CCDC39: variants seen among roughly 807,000 people sequenced by gnomAD.
The protein encoded by CCDC39 is coiled-coil domain 39 molecular ruler complex subunit.
CCDC39 carries 113 observed loss-of-function variants against 121.0 expected under a neutral mutation model. That is an observed-to-expected ratio of 0.93 (90% CI 0.80 to 1.09). The LOEUF is 1.09. Among genes scored for constraint, CCDC39 ranks in the 50% least tolerant of loss-of-function variants. The probability of loss-of-function intolerance (pLI) is 0.00; values close to 1 mark genes in which losing one functional copy is unlikely to be tolerated. For missense variants in CCDC39, 1,063 were observed against 1,074.7 expected (o/e 0.99, Z 0.15); for synonymous variants, 349 against 352.2 (o/e 0.99, Z 0.10).
intron 14 of CCDC39, among the ~76,000 whole-genome samples, chr3:180,620,866 A>G (rs1309328715): frequency 6.6e-6 from 1 of 152,070 alleles, no homozygotes; most frequent in African/African-American, 2.4e-5. Context: ...TCATTGGAAT[A>G]CTGTACATTG....
chr3:180,664,044 G>T, intron 1 of CCDC39, 58 bp from the exon 2 acceptor site: 1 of 1,459,780 alleles, frequency 6.9e-7, no homozygotes. Flanking sequence ...CCATATGAAG[G>T]ACCTAAAATC....
In CCDC39 at chr3:180,647,259, A is replaced by C. The variant is rs1560088251; in HGVS notation, c.1363-16T>G. The C allele has an allele frequency of 1.3e-6, 2 of 1,538,258 alleles. No individual in the cohort carries two copies. Among genetic ancestry groups the C allele is most frequent in the South Asian group, 2.5e-5 (2 of 79,800 alleles). On this transcript the variant is annotated splice_polypyrimidine_tract_variant and intron_variant, in intron 10 of 19. Coordinates refer to ENST00000476379, the MANE Select transcript of CCDC39 (RefSeq NM_181426.2). ...TGTGAAAATCCTGTTACAGTTTAAAAAAAAAAAGGTATTACAAAGAAAAAA... is the reference window on the plus strand; with the variant it reads ...TGTGAAAATCCTGTTACAGTTTAAACAAAAAAAGGTATTACAAAGAAAAAA...
chr3:180,643,991 C>T (rs759099138), intron 12 of CCDC39, 129 bp downstream of exon 12: 5 of 647,376 alleles, frequency 7.7e-6, no homozygotes, highest in Non-Finnish European at 1.2e-5. Context: ...GACTTTAACA[C>T]TGTTTATATT....
intron 14 of CCDC39, among the ~76,000 whole-genome samples, chr3:180,621,068 A>C (rs1052999464): frequency 6.6e-6 from 1 of 152,022 alleles, no homozygotes; most frequent in Non-Finnish European, 1.5e-5. Flanking sequence ...GCCTCCAGTT[A>C]TATCTTGTTG....
In CCDC39 at chr3:180,648,327, A is replaced by G. The variant is rs940815178; in HGVS notation, c.1200T>C (p.Gly400=). Residue 400 remains glycine, a synonymous_variant, in exon 10 of 20, where the codon GGT becomes GGC. Coordinates refer to ENST00000476379, the MANE Select transcript of CCDC39 (RefSeq NM_181426.2). The part of the protein sequence containing the change: ...EVDVQLNLIK[G]VLFKKAQELQ... ...ACTCCTGAGCTTTCTTAAACAGCAC[A>G]CCTTTTATGAGGTTCAGTTGAACAT... is the stretch of plus-strand genomic sequence containing the variant. The G allele has an allele frequency of 6.3e-7, 1 of 1,590,716 alleles. No homozygotes were observed. The highest frequency in any genetic ancestry group is 1.8e-5 in the Admixed American group (1 of 56,168).
At chr3:180,673,889 G>A (rs917663734) in intron 1 of CCDC39, among the ~76,000 whole-genome samples, 23 of 151,662 alleles carry the variant, frequency 1.5e-4, no homozygotes, top group African/African-American at 5.6e-4. Flanking sequence ...TAAACTTAAA[G>A]CAGGCAATGC....
intron 13 of CCDC39, among the ~76,000 whole-genome samples, chr3:180,632,037 T>C (rs1717709331): frequency 6.6e-6 from 1 of 151,522 alleles, no homozygotes; most frequent in South Asian, 2.1e-4. Context: ...AAGAAGGGGC[T>C]CAAGTGGATG....
At position 180,679,467 on chromosome 3, in the gene CCDC39, T is replaced by A; in HGVS notation, c.-87A>T. 1 of 1,243,176 alleles carries A rather than the reference T, an allele frequency of 8.0e-7. No individual in the cohort carries two copies. The highest frequency in any genetic ancestry group is 1.2e-6 in the Non-Finnish European group (1 of 842,800). 77.0% of individuals were successfully genotyped at this position (1,243,176 alleles called of 1,614,324 possible). A position where few individuals can be genotyped will look rare whatever the true frequency, so the allele number is the denominator to read the frequency against. ...AGCACCCGCGTCAAGCCCAGGCACC[T>A]GCACAGTGCCGCGGCAATTGCCGGG... On this transcript the variant is annotated 5_prime_UTR_variant, in exon 1 of 20. Transcript: ENST00000476379. This position sits in a 1 kb window ranked among gnomAD's most constrained non-coding sequence, Gnocchi z 4.0.
At chr3:180,676,346 A>C (rs1712205106) in intron 1 of CCDC39, among the ~76,000 whole-genome samples, 1 of 152,256 alleles carries the variant, frequency 6.6e-6, no homozygotes, top group South Asian at 2.1e-4. Context: ...ATATGAACTG[A>C]CACTTCTCAA....
intron 9 of CCDC39, among the ~76,000 whole-genome samples, chr3:180,649,029 T>C (rs1718138551): frequency 6.6e-6 from 1 of 152,024 alleles, no homozygotes; most frequent in African/African-American, 2.4e-5. Context: ...GAGTGCTGAG[T>C]ATGTATTACT....
At chr3:180,664,073 A>G (rs1711811254) in intron 1 of CCDC39, 87 bp from the exon 2 acceptor site, 2 of 1,229,096 alleles carry the variant, frequency 1.6e-6, no homozygotes, top group Non-Finnish European at 1.1e-6. Context: ...TTAAATTTTC[A>G]TTTACATTGT....
At chr3:180,622,111 T>C (rs1717444671) in intron 14 of CCDC39, among the ~76,000 whole-genome samples, 2 of 152,150 alleles carry the variant, frequency 1.3e-5, no homozygotes, top group Non-Finnish European at 2.9e-5. Flanking sequence ...TGTTTTGTAG[T>C]TTTCCTTATG....
intron 14 of CCDC39, 66 bp downstream of exon 14, chr3:180,631,403 G>A: frequency 3.6e-6 from 5 of 1,375,728 alleles, no homozygotes; most frequent in Non-Finnish European, 5.0e-6. Context: ...AAATTCAGAG[G>A]ATTATGATGA....
intron 13 of CCDC39, among the ~76,000 whole-genome samples, chr3:180,640,732 A>G (rs181481784): frequency 6.6e-6 from 1 of 152,218 alleles, no homozygotes; most frequent in African/African-American, 2.4e-5. Flanking sequence ...AGAATCAATA[A>G]TAAATACAAA....
intron 13 of CCDC39, 70 bp downstream of exon 13, chr3:180,641,923 G>C: frequency 9.1e-7 from 1 of 1,093,848 alleles, no homozygotes; most frequent in Admixed American, 2.4e-5. Context: ...GGATGTTAGA[G>C]GGGGCAGCTA....
intron 12 of CCDC39, 128 bp downstream of exon 12, chr3:180,643,991 CT>C: frequency 1.5e-6 from 1 of 647,376 alleles, no homozygotes; most frequent in South Asian, 3.4e-5. Context: ...GACTTTAACA[CT>C]GTTTATATTG....
intron 13 of CCDC39, among the ~76,000 whole-genome samples, chr3:180,640,470 T>C (rs1025217711): frequency 1.3e-5 from 2 of 151,828 alleles, no homozygotes; most frequent in Non-Finnish European, 2.9e-5. Flanking sequence ...AATGAAATAA[T>C]GAATGGACAA....
intron 14 of CCDC39, among the ~76,000 whole-genome samples, chr3:180,630,118 G>A (rs1204516578): frequency 2.0e-5 from 3 of 152,130 alleles, no homozygotes; most frequent in Non-Finnish European, 4.4e-5. Context: ...CGAAGCAGTG[G>A]TAGGATATGG....
At chr3:180,662,865 A>AT (rs1303037238) in intron 2 of CCDC39, among the ~76,000 whole-genome samples, 3 of 152,098 alleles carry the variant, frequency 2.0e-5, no homozygotes, top group Admixed American at 6.5e-5. Flanking sequence ...GGCACTGTTC[A>AT]TTTTTTTGAA....
Sources: gnomAD v4.1 joint callset for allele counts (sites outside exome capture counted in the v4.1 genomes callset) on GRCh38, gnomAD v4.1.1 for gene constraint, Gnocchi (gnomAD v3.1) non-coding constraint, MANE v1.5 for transcripts, NCBI Gene and HGNC (gene_info 2026-07-23, HGNC 2026-07-21) for gene names.